FAR2: variants seen among roughly 807,000 people sequenced by gnomAD.
The protein encoded by FAR2 is epididymis secretory protein Li 81.
Under a neutral mutation model 56.0 loss-of-function variants are expected in FAR2, and 19 were observed. The observed-to-expected ratio is 0.34, with a 90% CI of 0.24 to 0.50. The LOEUF (loss-of-function observed/expected upper bound fraction) is 0.50, where lower values mean the gene tolerates loss of function less well. FAR2 is among the 20% of genes least tolerant of loss of function. The probability of loss-of-function intolerance (pLI) is 0.98; values close to 1 mark genes in which losing one functional copy is unlikely to be tolerated. For missense variants in FAR2, 508 were observed against 642.2 expected, an observed-to-expected ratio of 0.79 and a Z score of 2.26; for synonymous variants, 219 against 218.8, an observed-to-expected ratio of 1.00 and a Z score of -0.01.
intron 4 of FAR2, among the ~76,000 whole-genome samples, chr12:29,305,537 G>A (rs1287299334): frequency 1.3e-5 from 2 of 152,222 alleles, no homozygotes; most frequent in African/African-American, 4.8e-5. Context: ...GGCTCATTTT[G>A]TTTTATCAAA....
At chr12:29,202,641 C>A (rs1156527446) in intron 1 of FAR2, among the ~76,000 whole-genome samples, 1 of 152,164 alleles carries the variant, frequency 6.6e-6, no homozygotes, top group East Asian at 1.9e-4. Context: ...TGGCTTGATG[C>A]CATCCTTGCA....
rs1407910508 is a variant in FAR2, at chr12:29,334,714, A to G, written c.*920A>G. On this transcript the variant is annotated 3_prime_UTR_variant, in exon 12 of 12. Coordinates refer to ENST00000536681, the MANE Select transcript of FAR2 (RefSeq NM_001271783.2). ...AAAACAAAACTTCAAATGAACTTTT[A>G]AACTGTAGCTTTAGTCTTCTGGTAT... The G allele has an allele frequency of 1.3e-5, 2 of 152,176 alleles. No individual in the cohort carries two copies. Among genetic ancestry groups the G allele is most frequent in the Non-Finnish European group, 2.9e-5 (2 of 68,032 alleles). The allele number at this position is 152,176 out of a possible 1,614,324, so 9.4% of individuals were successfully genotyped here. A position where few individuals can be genotyped will look rare whatever the true frequency, so the allele number is the denominator to read the frequency against.
At chr12:29,160,286 A>G (rs1453403319) in intron 1 of FAR2, among the ~76,000 whole-genome samples, 3 of 152,202 alleles carry the variant, frequency 2.0e-5, no homozygotes, top group Non-Finnish European at 2.9e-5. Context: ...TCAGTGATTC[A>G]TGAGCATTAC....
intron 1 of FAR2, among the ~76,000 whole-genome samples, chr12:29,151,058 C>T (rs554531373): frequency 6.6e-6 from 1 of 152,282 alleles, no homozygotes; most frequent in African/African-American, 2.4e-5. Context: ...TCATCTTGAC[C>T]ATCTCACCAT....
intron 1 of FAR2, among the ~76,000 whole-genome samples, chr12:29,213,396 A>G (rs1414482024): frequency 6.6e-6 from 1 of 152,218 alleles, no homozygotes; most frequent in African/African-American, 2.4e-5. Flanking sequence ...GTACAATAAA[A>G]TTAAGTCTAT....
In FAR2 at chr12:29,215,627, G is replaced by A. The variant is rs532909815; in HGVS notation, c.-38-54785G>A. 6.6e-5 allele frequency among the ~76,000 whole-genome samples: 10 copies of A among 152,274 alleles called. No homozygotes were observed. The East Asian group carries it at 1.7e-3, about 26-fold the overall frequency. On this transcript the variant is annotated intron_variant, in intron 1 of 11. Coordinates refer to ENST00000536681, the MANE Select transcript of FAR2 (RefSeq NM_001271783.2). The stretch of plus-strand genomic sequence containing the variant: ...AAATTCAGTGTCTTTGAGGATGTCT[G>A]TAATAGCTTCATATTAACAAAATCT...
intron 2 of FAR2, among the ~76,000 whole-genome samples, chr12:29,289,472 G>A (rs1387957689): frequency 6.6e-6 from 1 of 152,174 alleles, no homozygotes; most frequent in Non-Finnish European, 1.5e-5. Context: ...ATGGTGTTGG[G>A]AAAACGATAT....
intron 5 of FAR2, among the ~76,000 whole-genome samples, chr12:29,308,709 C>CATATATATATATATATAT (rs1428996085): frequency 4.2e-4 from 44 of 103,682 alleles, no homozygotes; most frequent in African/African-American, 1.8e-3. Flanking sequence ...CACACACACA[C>CATATATATATATATATAT]ACACACACAC....
chr12:29,170,643 C>G (rs1234990076), intron 1 of FAR2, among the ~76,000 whole-genome samples: 1 of 151,936 alleles, frequency 6.6e-6, no homozygotes, highest in Non-Finnish European at 1.5e-5. Flanking sequence ...CTGTCTCTCT[C>G]TTTCTCTCTC....
At chr12:29,155,493 T>TC (rs1949718829) in intron 1 of FAR2, among the ~76,000 whole-genome samples, 1 of 152,238 alleles carries the variant, frequency 6.6e-6, no homozygotes, top group African/African-American at 2.4e-5. Context: ...AGCTCTGTGT[T>TC]CCAGCCCAGG....
chr12:29,176,596 C>G (rs1242391441), intron 1 of FAR2, among the ~76,000 whole-genome samples: 1 of 152,132 alleles, frequency 6.6e-6, no homozygotes, highest in Non-Finnish European at 1.5e-5. Flanking sequence ...AACTGTCATG[C>G]TTATATTAAC....
chr12:29,181,248 T>A (rs1401932442), intron 1 of FAR2, among the ~76,000 whole-genome samples: 1 of 152,208 alleles, frequency 6.6e-6, no homozygotes, highest in African/African-American at 2.4e-5. Flanking sequence ...TTTTCTTTTT[T>A]AATAAAAGCA....
At chr12:29,211,456 TAA>T (rs1228119791) in intron 1 of FAR2, among the ~76,000 whole-genome samples, 1 of 152,212 alleles carries the variant, frequency 6.6e-6, no homozygotes, top group African/African-American at 2.4e-5. Flanking sequence ...TGTTGTCACA[TAA>T]GTCTATCCTA....
intron 10 of FAR2, among the ~76,000 whole-genome samples, chr12:29,326,230 T>A (rs1949643384): frequency 6.6e-6 from 1 of 151,900 alleles, no homozygotes; most frequent in Non-Finnish European, 1.5e-5. Context: ...AATAGACCAA[T>A]AACAGGCTCT....
At chr12:29,170,951 G>T (rs772380972) in intron 1 of FAR2, among the ~76,000 whole-genome samples, 4 of 152,220 alleles carry the variant, frequency 2.6e-5, no homozygotes, top group Admixed American at 2.6e-4. Flanking sequence ...ATTTAATGGG[G>T]GTTCCCCCAG....
intron 1 of FAR2, among the ~76,000 whole-genome samples, chr12:29,259,175 A>G (rs1424032267): frequency 2.0e-5 from 3 of 152,166 alleles, no homozygotes; most frequent in Non-Finnish European, 4.4e-5. Context: ...TTCCCACTGG[A>G]TCACCTTTAG....
intron 1 of FAR2, among the ~76,000 whole-genome samples, chr12:29,186,516 G>T (rs544032200): frequency 6.6e-6 from 1 of 152,304 alleles, no homozygotes; most frequent in South Asian, 2.1e-4. Context: ...AGATTATTTT[G>T]TGTTCTCTGA....
At chr12:29,173,217 G>A (rs1949905105) in intron 1 of FAR2, among the ~76,000 whole-genome samples, 2 of 152,196 alleles carry the variant, frequency 1.3e-5, no homozygotes, top group African/African-American at 4.8e-5. Flanking sequence ...GTGTACCCGG[G>A]TTGGGCCAAA....
intron 8 of FAR2, among the ~76,000 whole-genome samples, chr12:29,314,432 CTTT>C (rs35073792): frequency 3.5e-5 from 5 of 143,970 alleles, no homozygotes; most frequent in Admixed American, 1.4e-4. Context: ...CCCTGTAGAT[CTTT>C]TTTTTTTTTT....
Sources: allele counts gnomAD v4.1 joint callset (sites outside exome capture counted in the v4.1 genomes callset), GRCh38; gene constraint gnomAD v4.1.1; transcripts MANE v1.5; gene names NCBI Gene and HGNC (gene_info 2026-07-23, HGNC 2026-07-21).